The following EPHB1 variants were observed in gnomAD, a reference collection of about 807,000 sequenced individuals.
The protein encoded by EPHB1 is EPH receptor B1, also known as ephrin type-B receptor 1.
A neutral mutation model predicts 94.4 loss-of-function variants in EPHB1; 30 were observed. The observed-to-expected ratio is 0.32, with a 90% confidence interval of 0.24 to 0.43. The LOEUF (loss-of-function observed/expected upper bound fraction) is 0.43, where lower values mean the gene tolerates loss of function less well. EPHB1 is among the 20% of genes least tolerant of loss of function. The pLI is 1.00. For synonymous variants in EPHB1, 522 were observed against 489.1 expected, an observed-to-expected ratio of 1.07 and a Z score of -0.89; for missense variants, 1,055 against 1,308.3, an observed-to-expected ratio of 0.81 and a Z score of 2.99.
intron 1 of EPHB1, among the ~76,000 whole-genome samples, chr3:134,797,179 A>G (rs552011362): frequency 6.6e-6 from 1 of 152,022 alleles, no homozygotes; most frequent in Non-Finnish European, 1.5e-5. Flanking sequence ...TGCTTCCCTC[A>G]GGGACTGCTG....
At chr3:135,126,779 G>A (rs1940226414) in intron 4 of EPHB1, among the ~76,000 whole-genome samples, 1 of 152,150 alleles carries the variant, frequency 6.6e-6, no homozygotes, top group Admixed American at 6.5e-5. Flanking sequence ...TTTACTGTAT[G>A]TGTTCACAGT....
chr3:134,961,080 T>C (rs1165283845), intron 3 of EPHB1, among the ~76,000 whole-genome samples: 1 of 152,216 alleles, frequency 6.6e-6, no homozygotes, highest in Admixed American at 6.5e-5. Context: ...GCGGGTTGGA[T>C]GGTCCCATGT....
intron 12 of EPHB1, among the ~76,000 whole-genome samples, chr3:135,215,086 A>G (rs1164521376): frequency 1.3e-5 from 2 of 152,168 alleles, no homozygotes; most frequent in Admixed American, 6.5e-5. Context: ...TGTGGATGCT[A>G]CCATAAGTGC....
At chr3:134,980,184 A>G (rs1427760878) in intron 3 of EPHB1, among the ~76,000 whole-genome samples, 1 of 152,202 alleles carries the variant, frequency 6.6e-6, no homozygotes, top group African/African-American at 2.4e-5. Flanking sequence ...TGAGATGACC[A>G]GAAGGCAGAA....
chr3:134,909,109 T>TG (rs1553864833), intron 1 of EPHB1, among the ~76,000 whole-genome samples: 2 of 82,552 alleles, frequency 2.4e-5, no homozygotes, highest in Admixed American at 1.8e-4. Flanking sequence ...ACACACAAGG[T>TG]GGGGGCGGGG....
Position 135,259,609 on chromosome 3 carries a change from A to T in EPHB1, c.*489A>T, listed in dbSNP as rs1276963598. 3 of 194,700 alleles carry T rather than the reference A, an allele frequency of 1.5e-5. No individual in the cohort carries two copies. The highest frequency in any genetic ancestry group is 2.3e-5 in the African/African-American group (1 of 43,078). The allele number at this position is 194,700 out of a possible 1,614,324, so 12.1% of individuals were successfully genotyped here. A position where few individuals can be genotyped will look rare whatever the true frequency, so the allele number is the denominator to read the frequency against. On this transcript the variant is annotated 3_prime_UTR_variant, in exon 16 of 16. Transcript: ENST00000398015. ...CCTTTGCTCATGACTCCTGTAGGGA[A>T]GTTTCTTCAAACAAAACCCAGCTCC... is the stretch of plus-strand genomic sequence containing the variant.
At chr3:134,908,678 A>T (rs982725729) in intron 1 of EPHB1, among the ~76,000 whole-genome samples, 1 of 152,144 alleles carries the variant, frequency 6.6e-6, no homozygotes. Flanking sequence ...AACAGCACAA[A>T]GAGGGAGGAG....
rs1943808917 is a variant in EPHB1 at position 135,242,415 on chromosome 3, A to G, written c.2496+1118A>G. Among the ~76,000 whole-genome samples, 4 of 152,188 alleles carry G rather than the reference A, an allele frequency of 2.6e-5. No individual in the cohort carries two copies. In the South Asian group the frequency reaches 8.3e-4, roughly 32 times the overall value. ...GGAACTTGTCAGCTATGGAGTCAGC[A>G]AGCCTTCTATCCTGTGAAAGGTTTA... On this transcript the variant is annotated intron_variant, in intron 13 of 15. Coordinates refer to ENST00000398015, the MANE Select transcript of EPHB1 (RefSeq NM_004441.5).
At chr3:134,867,403 G>T (rs2037402859) in intron 1 of EPHB1, among the ~76,000 whole-genome samples, 1 of 152,180 alleles carries the variant, frequency 6.6e-6, no homozygotes, top group Non-Finnish European at 1.5e-5. Context: ...ATCCCAGTGG[G>T]TCTCTGTGCA....
At chr3:135,073,646 C>T (rs546057303) in intron 3 of EPHB1, among the ~76,000 whole-genome samples, 3 of 152,192 alleles carry the variant, frequency 2.0e-5, no homozygotes, top group East Asian at 1.9e-4. Flanking sequence ...TTCAAAATTT[C>T]CTGAATGTCT....
chr3:134,973,245 C>T (rs533006593), intron 3 of EPHB1, among the ~76,000 whole-genome samples: 1 of 152,232 alleles, frequency 6.6e-6, no homozygotes, highest in South Asian at 2.1e-4. Flanking sequence ...TCACTGGCTC[C>T]CTTGCCTTCT....
At chr3:135,189,758 G>C (rs904569909) in intron 10 of EPHB1, among the ~76,000 whole-genome samples, 1 of 152,136 alleles carries the variant, frequency 6.6e-6, no homozygotes, top group Non-Finnish European at 1.5e-5. Flanking sequence ...GTGTGTTGTG[G>C]GGGACATCAA....
chr3:134,885,022 G>A (rs2037834284), intron 1 of EPHB1, among the ~76,000 whole-genome samples: 1 of 152,242 alleles, frequency 6.6e-6, no homozygotes, highest in South Asian at 2.1e-4. Context: ...AGTCATTGTA[G>A]TAAAGTGTTT....
At chr3:134,829,810 T>A (rs2036548214) in intron 1 of EPHB1, among the ~76,000 whole-genome samples, 1 of 152,036 alleles carries the variant, frequency 6.6e-6, no homozygotes, top group Non-Finnish European at 1.5e-5. Context: ...AATGGGAAAT[T>A]TGGACGCAGA....
intron 3 of EPHB1, among the ~76,000 whole-genome samples, chr3:134,986,711 A>AC (rs138369571): frequency 6.9e-6 from 1 of 145,628 alleles, no homozygotes; most frequent in African/African-American, 2.5e-5. Flanking sequence ...TAAAGATATT[A>AC]ACACACACAC....
chr3:135,149,948 C>G (rs904639269), intron 5 of EPHB1, among the ~76,000 whole-genome samples: 3 of 152,222 alleles, frequency 2.0e-5, no homozygotes, highest in African/African-American at 7.2e-5. Flanking sequence ...CTCTGGATCA[C>G]TCTGCCCTGT....
chr3:135,226,015 G>T (rs1943388249), intron 12 of EPHB1, among the ~76,000 whole-genome samples: 1 of 152,216 alleles, frequency 6.6e-6, no homozygotes, highest in Admixed American at 6.5e-5. Context: ...GAAAGAACAG[G>T]TAAGATGCAA....
At chr3:134,806,989 G>C (rs2036074293) in intron 1 of EPHB1, among the ~76,000 whole-genome samples, 1 of 152,188 alleles carries the variant, frequency 6.6e-6, no homozygotes, top group Admixed American at 6.5e-5. Flanking sequence ...CTTAGCAAGT[G>C]GGCTTAGGTT....
At chr3:134,832,809 T>G (rs1433360712) in intron 1 of EPHB1, among the ~76,000 whole-genome samples, 1 of 152,206 alleles carries the variant, frequency 6.6e-6, no homozygotes, top group Non-Finnish European at 1.5e-5. Flanking sequence ...AGTCTCCAGC[T>G]GAAACTTTCT....
Sources: gnomAD v4.1 joint callset for allele counts (sites outside exome capture counted in the v4.1 genomes callset) on GRCh38, gnomAD v4.1.1 for gene constraint, MANE v1.5 for transcripts, NCBI Gene and HGNC (gene_info 2026-07-23, HGNC 2026-07-21) for gene names.